PLXNA4: variants seen among roughly 807,000 people sequenced by gnomAD.
PLXNA4 encodes the protein plexin A4.
A neutral mutation model predicts 191.8 loss-of-function variants in PLXNA4; 44 were observed. The ratio of observed to expected loss-of-function variants is 0.23; its 90% CI spans 0.18 to 0.29. The LOEUF is 0.29. Ranked by LOEUF, PLXNA4 falls within the 10% of genes least tolerant of loss-of-function variation. The probability of loss-of-function intolerance (pLI) is 1.00; values close to 1 mark genes in which losing one functional copy is unlikely to be tolerated. For missense variants in PLXNA4, 1,800 were observed against 2,488.8 expected, an observed-to-expected ratio of 0.72 and a Z score of 5.89; for synonymous variants, 1,082 against 1,009.5, an observed-to-expected ratio of 1.07 and a Z score of -1.36.
At chr7:132,562,825 CCTTCTCCTCCTCCTT>C (rs1270714895) in intron 1 of PLXNA4, among the ~76,000 whole-genome samples, 1 of 117,550 alleles carries the variant, frequency 8.5e-6, no homozygotes, top group Admixed American at 8.1e-5. Flanking sequence ...TTCTCCTCCT[CCTTCTCCTCCTCCTT>C]CTCTTCCTTT....
intron 1 of PLXNA4, among the ~76,000 whole-genome samples, chr7:132,570,889 C>G (rs1230144236): frequency 6.6e-6 from 1 of 152,130 alleles, no homozygotes; most frequent in South Asian, 2.1e-4. Flanking sequence ...TGAGATCTCT[C>G]CAACACCTGT....
intron 4 of PLXNA4, among the ~76,000 whole-genome samples, chr7:132,284,028 A>G (rs1417969057): frequency 6.6e-6 from 1 of 152,174 alleles, no homozygotes; most frequent in African/African-American, 2.4e-5. Context: ...TTAAAAATTT[A>G]GCTTAGAGAG....
chr7:132,581,930 C>T (rs116032606), upstream of PLXNA4, among the ~76,000 whole-genome samples: 526 of 152,162 alleles, frequency 3.5e-3, 4 homozygotes, highest in African/African-American at 0.012. Context: ...ACCGCAGAAA[C>T]CAGAAGTTAG....
At chr7:132,168,724 G>C in intron 21 of PLXNA4, 152 bp from the exon 22 acceptor site, 21 of 1,135,390 alleles carry the variant, frequency 1.8e-5, no homozygotes, top group Non-Finnish European at 2.5e-5. Context: ...TTAGCACTGA[G>C]TTAAGTATCT....
At chr7:132,481,415 G>C (rs112776371) in intron 3 of PLXNA4, among the ~76,000 whole-genome samples, 1 of 151,940 alleles carries the variant, frequency 6.6e-6, no homozygotes, top group African/African-American at 2.4e-5. Flanking sequence ...TACTCGATAC[G>C]GGTCCCAGGA....
intron 1 of PLXNA4, among the ~76,000 whole-genome samples, chr7:132,553,580 C>A (rs1034201867): frequency 1.3e-5 from 2 of 152,148 alleles, no homozygotes; most frequent in South Asian, 4.1e-4. Flanking sequence ...GCAAAGCACC[C>A]CTGCACCAGT....
At chr7:132,493,627 C>G (rs1480262631) in intron 2 of PLXNA4, among the ~76,000 whole-genome samples, 1 of 152,124 alleles carries the variant, frequency 6.6e-6, no homozygotes, top group Non-Finnish European at 1.5e-5. Context: ...ACGTTTTATG[C>G]ATCTTTGTAC....
At chr7:132,638,762 T>A (rs62465245) in intron 2 of PLXNA4, among the ~76,000 whole-genome samples, 88,163 of 151,624 alleles carry the variant, frequency 0.58, 26,187 homozygotes, top group African/African-American at 0.68. Context: ...GAAATAAAAA[T>A]ATATATATAT....
intron 3 of PLXNA4, among the ~76,000 whole-genome samples, chr7:132,313,511 C>T (rs1801826841): frequency 6.6e-6 from 1 of 152,102 alleles, no homozygotes; most frequent in Non-Finnish European, 1.5e-5. Flanking sequence ...GAATGAAGGA[C>T]AAACTCTGGA....
rs71529768 is a variant in PLXNA4 at position 132,612,663 on chromosome 7, C to CAAA, written c.-87+33262_-87+33264dup. ...TGGGCAACAGAAAGAGTCTCCATCT[C>CAAA]AAAAAAAAAAAAAAAAAAAAAGTCC... On this transcript the variant is annotated intron_variant, in intron 2 of 4. Coordinates refer to the PLXNA4 transcript ENST00000378539. Among the ~76,000 whole-genome samples the CAAA allele has an allele frequency of 4.6e-3, 314 of 68,274 alleles. 7 individuals are homozygous for CAAA. The highest frequency in any genetic ancestry group is 0.025 in the Admixed American group (156 of 6,150). 44.8% of individuals were successfully genotyped at this position (68,274 alleles called of 152,430 possible).
chr7:132,342,946 C>CA (rs370055779), intron 3 of PLXNA4, among the ~76,000 whole-genome samples: 5,146 of 102,258 alleles, frequency 0.05, 182 homozygotes, highest in Middle Eastern at 0.072. Context: ...GACTCTGCCT[C>CA]AAAAAAAAAA....
chr7:132,355,535 AG>A, intron 3 of PLXNA4, among the ~76,000 whole-genome samples: 1 of 152,304 alleles, frequency 6.6e-6, no homozygotes, highest in Non-Finnish European at 1.5e-5. Flanking sequence ...GGTGCTCGGC[AG>A]ACTCTCCCAT....
chr7:132,129,893 C>T lies in PLXNA4; in HGVS notation c.*586G>A, dbSNP rs970489721. 4.5e-5 allele frequency: 7 copies of T among 154,280 alleles called. No homozygotes were observed. Among genetic ancestry groups the T allele is most frequent in the African/African-American group, 1.7e-4 (7 of 41,466 alleles). The allele number at this position is 154,280 out of a possible 1,614,324, so 9.6% of individuals were successfully genotyped here. ...CACCTCCCAGCTGCCCACACATGCC[C>T]TGCTCCAGCCACATGCAGGAGGTGT... is the stretch of plus-strand genomic sequence containing the variant. On this transcript the variant is annotated 3_prime_UTR_variant, in exon 32 of 32. Coordinates refer to ENST00000321063, the MANE Select transcript of PLXNA4 (RefSeq NM_020911.2).
Position 132,254,558 on chromosome 7 carries a change from G to A in PLXNA4, c.1504-13392C>T, listed in dbSNP as rs184012564. Reference sequence around the variant, plus strand: ...AGGTGACGATTAAATCCTGTTGTCAGTGCTCAGCAACGTCCCTTCTTGCCT... The same window carrying A: ...AGGTGACGATTAAATCCTGTTGTCAATGCTCAGCAACGTCCCTTCTTGCCT... On this transcript the variant is annotated intron_variant, in intron 4 of 31. Coordinates refer to ENST00000321063, the MANE Select transcript of PLXNA4 (RefSeq NM_020911.2). 4.6e-5 allele frequency among the ~76,000 whole-genome samples: 7 copies of A among 152,328 alleles called. No homozygotes were observed. The East Asian group carries it at 1.4e-3, about 29-fold the overall frequency.
In PLXNA4 at chr7:132,260,419, T is replaced by C. The variant is rs1297883770; in HGVS notation, c.1504-19253A>G. Among the ~76,000 whole-genome samples, 9 of 152,080 alleles carry C rather than the reference T, an allele frequency of 5.9e-5. No individual in the cohort carries two copies. In the East Asian group the frequency reaches 1.5e-3, roughly 26 times the overall value. On this transcript the variant is annotated intron_variant, in intron 4 of 31. Transcript: ENST00000321063. ...ATTAATGCAGGAACAGAGAATGAAATACTGTATGTTCCCACTAATAGGTGA... is the reference window on the plus strand; with the variant it reads ...ATTAATGCAGGAACAGAGAATGAAACACTGTATGTTCCCACTAATAGGTGA...
Position 132,507,848 on chromosome 7 carries a change from C to A in PLXNA4, c.846G>T (p.Arg282Ser). The A allele has an allele frequency of 1.2e-6, 2 of 1,614,154 alleles. No homozygotes were observed. The highest frequency in any genetic ancestry group is 1.7e-6 in the Non-Finnish European group (2 of 1,180,020). ...TGAAGGCTGTGTCCTCCTTGCAAAG[C>A]CTCACGAGCTTGGATGTATACACCT... is the stretch of plus-strand genomic sequence containing the variant. The part of the protein sequence containing the change: ...KEQVYTSKLV[R>S]LCKEDTAFNS... The change falls in exon 2 of 32, where the codon AGG becomes AGT. Residue 282 changes from arginine (R) to serine (S), a missense_variant. Physicochemically the swap from Arg to Ser is moderately radical, Grantham distance 110. Around this residue, in one of 6 missense-constraint regions of PLXNA4, gnomAD observed 1,397 missense variants for 1,880.4 expected, o/e 0.74. Transcript: ENST00000321063.
At chr7:132,380,783 C>T (rs1304966602) in intron 3 of PLXNA4, among the ~76,000 whole-genome samples, 1 of 152,190 alleles carries the variant, frequency 6.6e-6, no homozygotes, top group Non-Finnish European at 1.5e-5. Context: ...ATTGCTGGTC[C>T]CCAAAACAGA....
chr7:132,319,382 A>G (rs1340478185), intron 3 of PLXNA4, among the ~76,000 whole-genome samples: 1 of 152,110 alleles, frequency 6.6e-6, no homozygotes, highest in Non-Finnish European at 1.5e-5. Flanking sequence ...AAACTAGCAT[A>G]TTCCAGGTGC....
intron 2 of PLXNA4, among the ~76,000 whole-genome samples, chr7:132,620,725 C>T (rs1323755541): frequency 3.9e-5 from 6 of 152,192 alleles, no homozygotes; most frequent in Admixed American, 3.3e-4. Flanking sequence ...TTGCTGTTTT[C>T]ATTTGGAATA....
Sources: allele counts gnomAD v4.1 joint callset (sites outside exome capture counted in the v4.1 genomes callset), GRCh38; gene constraint gnomAD v4.1.1; regional missense constraint gnomAD v4.1.1; transcripts MANE v1.5; gene names NCBI Gene and HGNC (gene_info 2026-07-23, HGNC 2026-07-21).